The following TMEM132E variants were observed in gnomAD, a reference collection of about 807,000 sequenced individuals.
TMEM132E encodes transmembrane protein 132E.
TMEM132E carries 49 observed loss-of-function variants against 78.5 expected under a neutral mutation model. The observed-to-expected ratio is 0.62, with a 90% CI of 0.50 to 0.79. The LOEUF (loss-of-function observed/expected upper bound fraction) is 0.79. Ranked by LOEUF, TMEM132E falls within the 30% of genes least tolerant of loss-of-function variation. TMEM132E has a pLI of 0.00. For missense variants in TMEM132E, 1,403 were observed against 1,470.9 expected, an observed-to-expected ratio of 0.95 and a Z score of 0.75; for synonymous variants, 715 against 670.6, an observed-to-expected ratio of 1.07 and a Z score of -1.02.
intron 1 of TMEM132E, among the ~76,000 whole-genome samples, chr17:34,589,276 G>A (rs1905778842): frequency 6.6e-6 from 1 of 152,174 alleles, no homozygotes; most frequent in Non-Finnish European, 1.5e-5. Context: ...TCAAAGAACA[G>A]CAAGGAGGCC....
chr17:34,584,925 C>T (rs541341947), intron 1 of TMEM132E, among the ~76,000 whole-genome samples: 2 of 152,326 alleles, frequency 1.3e-5, no homozygotes, highest in African/African-American at 2.4e-5. Flanking sequence ...AGCCCAGCAA[C>T]CTTGAGTTTC....
intron 1 of TMEM132E, among the ~76,000 whole-genome samples, chr17:34,613,927 T>C (rs186235165): frequency 3.4e-4 from 52 of 152,336 alleles, no homozygotes; most frequent in Admixed American, 2.8e-3. Context: ...CCACTGTTTT[T>C]GGCTGAGGAC....
In TMEM132E at chr17:34,632,951, G is replaced by C. The variant is rs755435085; in HGVS notation, c.1688+42G>C. The C allele has an allele frequency of 3.7e-6, 6 of 1,607,238 alleles. No homozygotes were observed. The African/African-American group carries it at 5.3e-5, about 14-fold the overall frequency. On this transcript the variant is annotated intron_variant, in intron 6 of 8. Coordinates refer to ENST00000631683, the MANE Select transcript of TMEM132E (RefSeq NM_001304438.2). Reference sequence around the variant, plus strand: ...ATGGCGGATACTTGGGAAACTCATGGGTGGATACAGCCTCGGCCCACAGTC... The same window carrying C: ...ATGGCGGATACTTGGGAAACTCATGCGTGGATACAGCCTCGGCCCACAGTC...
chr17:34,600,401 C>T (rs73284030), intron 1 of TMEM132E, among the ~76,000 whole-genome samples: 103 of 148,440 alleles, frequency 6.9e-4, no homozygotes, highest in African/African-American at 2.4e-3. Context: ...ATAAGCAGCC[C>T]GTTTGTTAAG....
intron 1 of TMEM132E, among the ~76,000 whole-genome samples, chr17:34,622,601 C>T (rs577874436): frequency 2.0e-4 from 31 of 152,340 alleles, no homozygotes; most frequent in South Asian, 1.7e-3. Context: ...GGAGCCCTCC[C>T]CTCAGTGGCC....
Position 34,626,902 on chromosome 17 carries a change from C to T in TMEM132E, c.843C>T (p.Pro281=). 1 of 1,613,318 alleles carries T rather than the reference C, an allele frequency of 6.2e-7. No individual in the cohort carries two copies. Among genetic ancestry groups the T allele is most frequent in the Non-Finnish European group, 8.5e-7 (1 of 1,179,942 alleles). The change falls in exon 2 of 9, where the codon CCC becomes CCT. Residue 281 remains proline (P), a synonymous_variant. Coordinates refer to ENST00000631683, the MANE Select transcript of TMEM132E (RefSeq NM_001304438.2). ...GCATCAGCCTGTTCCGCCCGCCCCC[C>T]AGGAGGACCCTGCAGGAGCACAGGC... ...IGSISLFRPP[P]RRTLQEHRLD...
In TMEM132E at chr17:34,637,320, G is replaced by A. The variant is rs1215726025; in HGVS notation, c.2313G>A (p.Leu771=). The A allele has an allele frequency of 1.2e-6, 2 of 1,614,106 alleles. No individual in the cohort carries two copies. Among genetic ancestry groups the A allele is most frequent in the Non-Finnish European group, 1.7e-6 (2 of 1,180,040 alleles). ...ATVTQDRAFP[L]VVAEAEGSGE... Reference sequence around the variant, plus strand: ...TGACCCAGGACCGGGCCTTCCCTCTGGTAGTGGCTGAGGCCGAGGGGTCAG... The same window carrying A: ...TGACCCAGGACCGGGCCTTCCCTCTAGTAGTGGCTGAGGCCGAGGGGTCAG... Residue 771 remains leucine (L), a synonymous_variant, in exon 9 of 9, where the codon CTG becomes CTA. Coordinates refer to ENST00000631683, the MANE Select transcript of TMEM132E (RefSeq NM_001304438.2).
intron 1 of TMEM132E, among the ~76,000 whole-genome samples, chr17:34,591,710 A>T (rs1175340303): frequency 6.6e-6 from 1 of 152,264 alleles, no homozygotes; most frequent in Non-Finnish European, 1.5e-5. Context: ...TGTCACTGTC[A>T]GCATTTGGGC....
chr17:34,604,022 C>T (rs866134784), intron 1 of TMEM132E, among the ~76,000 whole-genome samples: 10 of 152,204 alleles, frequency 6.6e-5, no homozygotes, highest in African/African-American at 2.4e-4. Context: ...CTGGAGCCCC[C>T]TTGGACTGTG....
chr17:34,635,223 C>A, intron 7 of TMEM132E, 136 bp downstream of exon 7: 1 of 1,031,614 alleles, frequency 9.7e-7, no homozygotes, highest in Non-Finnish European at 1.4e-6. Flanking sequence ...TCTGAAATTC[C>A]AAGGTCAGGC....
chr17:34,610,963 G>A (rs1271161270), intron 1 of TMEM132E, among the ~76,000 whole-genome samples: 1 of 152,202 alleles, frequency 6.6e-6, no homozygotes, highest in African/African-American at 2.4e-5. Context: ...GGATAATGAG[G>A]TCCTAGGTGA....
At chr17:34,584,794 CAT>C (rs1905608895) in intron 1 of TMEM132E, among the ~76,000 whole-genome samples, 2 of 152,232 alleles carry the variant, frequency 1.3e-5, no homozygotes, top group Non-Finnish European at 2.9e-5. Flanking sequence ...TGAGTGGGCA[CAT>C]ACAAGACCCA....
At chr17:34,585,040 C>T (rs1225935964) in intron 1 of TMEM132E, among the ~76,000 whole-genome samples, 1 of 152,190 alleles carries the variant, frequency 6.6e-6, no homozygotes, top group Non-Finnish European at 1.5e-5. Flanking sequence ...AAGCACCAGC[C>T]CTTGGGAGAC....
chr17:34,611,506 C>T (rs1470991347), intron 1 of TMEM132E, among the ~76,000 whole-genome samples: 1 of 152,150 alleles, frequency 6.6e-6, no homozygotes, highest in Non-Finnish European at 1.5e-5. Context: ...GATGAAGCAG[C>T]AGCCAGACAA....
intron 1 of TMEM132E, among the ~76,000 whole-genome samples, chr17:34,609,036 T>A (rs1435389048): frequency 6.6e-6 from 1 of 152,208 alleles, no homozygotes; most frequent in Non-Finnish European, 1.5e-5. Flanking sequence ...GAGAAAAACC[T>A]TTTAACCAGC....
At chr17:34,606,993 G>C (rs1906435601) in intron 1 of TMEM132E, among the ~76,000 whole-genome samples, 1 of 152,182 alleles carries the variant, frequency 6.6e-6, no homozygotes, top group South Asian at 2.1e-4. Flanking sequence ...AAATCATGCA[G>C]ACCAACCAGC....
At chr17:34,589,499 C>CA (rs924711440) in intron 1 of TMEM132E, among the ~76,000 whole-genome samples, 2 of 152,174 alleles carry the variant, frequency 1.3e-5, no homozygotes, top group Admixed American at 1.3e-4. Flanking sequence ...CCTGCCTTTA[C>CA]AAAAAATCAG....
At chr17:34,596,144 T>G (rs547974987) in intron 1 of TMEM132E, among the ~76,000 whole-genome samples, 1 of 152,170 alleles carries the variant, frequency 6.6e-6, no homozygotes, top group South Asian at 2.1e-4. Context: ...AGAAGAGAGA[T>G]TTCCCCTGTC....
rs369122850 is a variant in TMEM132E, at chr17:34,626,397, C to T, written c.338C>T (p.Thr113Ile). Residue 113 changes from threonine to isoleucine, a missense_variant, in exon 2 of 9, where the codon ACC (threonine) becomes ATC (isoleucine). Transcript: ENST00000631683. ...CGGGAGCTCCTGCAGCCGTCCAGCA[C>T]CCTGGACATCCCCGAGCGCCTGACG... ...VARELLQPSSTLDIPERLTVN... is the reference protein window; with the variant it reads ...VARELLQPSSILDIPERLTVN... 2.4e-5 allele frequency: 39 copies of T among 1,613,200 alleles called. No homozygotes were observed. Among genetic ancestry groups the T allele is most frequent in the Non-Finnish European group, 2.7e-5 (32 of 1,179,812 alleles).
Sources: gnomAD v4.1 joint callset for allele counts (sites outside exome capture counted in the v4.1 genomes callset) on GRCh38, gnomAD v4.1.1 for gene constraint, MANE v1.5 for transcripts, NCBI Gene and HGNC (gene_info 2026-07-23, HGNC 2026-07-21) for gene names.